The following SDK1 variants were observed in gnomAD, a reference collection of about 807,000 sequenced individuals.
SDK1 encodes sidekick cell adhesion molecule 1, also known as protein sidekick-1.
Under a neutral mutation model 245.5 loss-of-function variants are expected in SDK1, and 157 were observed. The observed-to-expected ratio is 0.64, with a 90% CI of 0.56 to 0.73. The LOEUF (loss-of-function observed/expected upper bound fraction) is 0.73, where lower values mean the gene tolerates loss of function less well. Among genes scored for constraint, SDK1 ranks in the 30% least tolerant of loss-of-function variants. The pLI, the probability that SDK1 is intolerant of heterozygous loss-of-function variation, is 0.00. For missense variants in SDK1, 3,583 were observed against 3,002.3 expected (o/e 1.19, Z -4.52); for synonymous variants, 1,647 against 1,278.5 (o/e 1.29, Z -6.15).
chr7:3,351,229 A>G (rs148977225), intron 1 of SDK1, among the ~76,000 whole-genome samples: 5 of 152,242 alleles, frequency 3.3e-5, no homozygotes, highest in African/African-American at 9.6e-5. Flanking sequence ...TTTATGTCCT[A>G]TGTTTTGCTT....
At chr7:3,811,314 T>A (rs1779377341) in intron 4 of SDK1, among the ~76,000 whole-genome samples, 1 of 152,156 alleles carries the variant, frequency 6.6e-6, no homozygotes, top group South Asian at 2.1e-4. Context: ...CCTGATCGCG[T>A]TAAGGGCCTC....
At chr7:4,075,030 G>A (rs28399158) in intron 20 of SDK1, among the ~76,000 whole-genome samples, 8,338 of 150,428 alleles carry the variant, frequency 0.055, 721 homozygotes, top group African/African-American at 0.18. Flanking sequence ...AGGAGACCAG[G>A]ACCTGAGAAG....
intron 1 of SDK1, among the ~76,000 whole-genome samples, chr7:3,366,584 T>C (rs1022084017): frequency 1.3e-5 from 2 of 152,186 alleles, no homozygotes; most frequent in Non-Finnish European, 2.9e-5. Context: ...TTTTGCCAGA[T>C]AGGTGAGAAG....
intron 1 of SDK1, among the ~76,000 whole-genome samples, chr7:3,507,340 C>G (rs1363122334): frequency 3.3e-5 from 5 of 152,134 alleles, no homozygotes; most frequent in African/African-American, 1.2e-4. Context: ...TGTAGAACTC[C>G]TTCTGTTTTT....
intron 4 of SDK1, among the ~76,000 whole-genome samples, chr7:3,816,565 A>G (rs1779512996): frequency 2.0e-5 from 3 of 151,890 alleles, no homozygotes; most frequent in Non-Finnish European, 4.4e-5. Context: ...GAATCTCTGA[A>G]TAGACCAATA....
chr7:3,533,143 G>T (rs1414850828), intron 1 of SDK1, among the ~76,000 whole-genome samples: 1 of 152,238 alleles, frequency 6.6e-6, no homozygotes, highest in Non-Finnish European at 1.5e-5. Context: ...GTTTGGTACA[G>T]TGCAAACCTT....
At chr7:3,613,173 A>G (rs540793548) in intron 1 of SDK1, among the ~76,000 whole-genome samples, 7 of 152,286 alleles carry the variant, frequency 4.6e-5, no homozygotes, top group East Asian at 1.9e-4. Context: ...TGGAACAGCA[A>G]TGAAAATCCA....
chr7:3,806,447 C>T (rs766533009), intron 4 of SDK1, among the ~76,000 whole-genome samples: 28 of 152,354 alleles, frequency 1.8e-4, no homozygotes, highest in Middle Eastern at 3.4e-3. Flanking sequence ...ACCCAACAGA[C>T]GGCTAAAGAG....
chr7:3,548,190 T>G (rs1301556103), intron 1 of SDK1, among the ~76,000 whole-genome samples: 1 of 152,196 alleles, frequency 6.6e-6, no homozygotes, highest in African/African-American at 2.4e-5. Flanking sequence ...TATGAAGATC[T>G]GAAATGTAAT....
At chr7:4,017,386 A>T in intron 17 of SDK1, 34 bp downstream of exon 17, 4 of 1,570,796 alleles carry the variant, frequency 2.5e-6, no homozygotes, top group Non-Finnish European at 3.5e-6. Flanking sequence ...AGGTGGCGGG[A>T]TCTTTGCCGG....
intron 5 of SDK1, among the ~76,000 whole-genome samples, chr7:3,829,022 CAT>C (rs772839093): frequency 2.6e-5 from 4 of 152,068 alleles, no homozygotes; most frequent in Non-Finnish European, 5.9e-5. Flanking sequence ...TTCTTTGAAT[CAT>C]GTGTTTTTTA....
At chr7:3,564,124 G>T (rs1779832831) in intron 1 of SDK1, among the ~76,000 whole-genome samples, 1 of 151,312 alleles carries the variant, frequency 6.6e-6, no homozygotes, top group South Asian at 2.1e-4. Context: ...AAACAAGAAA[G>T]ATAAAAAATG....
At chr7:3,834,401 C>T (rs1048313833) in intron 5 of SDK1, among the ~76,000 whole-genome samples, 10 of 152,166 alleles carry the variant, frequency 6.6e-5, no homozygotes, top group East Asian at 1.9e-4. Context: ...AAATGCCACA[C>T]GAAAGGGAGT....
At chr7:3,847,650 A>G (rs1454159845) in intron 5 of SDK1, among the ~76,000 whole-genome samples, 1 of 152,210 alleles carries the variant, frequency 6.6e-6, no homozygotes, top group African/African-American at 2.4e-5. Context: ...GCTACTGTTT[A>G]TCCTAAAGGA....
chr7:4,070,848 T>C (rs950458105), intron 20 of SDK1, among the ~76,000 whole-genome samples: 8 of 152,034 alleles, frequency 5.3e-5, no homozygotes, highest in South Asian at 4.2e-4. Flanking sequence ...TAGTTGGAAC[T>C]ACAGGCGTGA....
intron 5 of SDK1, among the ~76,000 whole-genome samples, chr7:3,925,365 A>G (rs1779731854): frequency 6.6e-6 from 1 of 152,222 alleles, no homozygotes; most frequent in Non-Finnish European, 1.5e-5. Context: ...TAGAAAAAGC[A>G]CATTCAAGTT....
rs1005249402 is a variant in SDK1, at chr7:4,011,155, G to T, written c.2279+42G>T. The T allele has an allele frequency of 6.9e-6, 11 of 1,601,726 alleles. No individual in the cohort carries two copies. In the African/African-American group the frequency reaches 9.4e-5, roughly 14 times the overall value. ...CCAGGTGGGGGTGTGGAACAGCCGG[G>T]GGCCTGAATGCCAAAGAGAAGCATC... On this transcript the variant is annotated intron_variant, in intron 15 of 44. Coordinates refer to ENST00000404826, the MANE Select transcript of SDK1 (RefSeq NM_152744.4).
intron 1 of SDK1, among the ~76,000 whole-genome samples, chr7:3,357,006 G>C (rs1583735593): frequency 7.2e-6 from 1 of 139,450 alleles, no homozygotes; most frequent in African/African-American, 2.7e-5. Context: ...AGTGAGCCGA[G>C]ATAGTGCCAC....
At chr7:3,810,536 C>T in intron 4 of SDK1, among the ~76,000 whole-genome samples, 1 of 152,240 alleles carries the variant, frequency 6.6e-6, no homozygotes, top group Non-Finnish European at 1.5e-5. Context: ...TGGATAAGTA[C>T]AAATTGACTG....
Sources: allele counts gnomAD v4.1 joint callset (sites outside exome capture counted in the v4.1 genomes callset), GRCh38; gene constraint gnomAD v4.1.1; transcripts MANE v1.5; gene names NCBI Gene and HGNC (gene_info 2026-07-23, HGNC 2026-07-21).